Variants in SPAST observed in about 807,000 individuals in gnomAD.
The protein encoded by SPAST is spastin.
SPAST carries 30 observed loss-of-function variants against 76.6 expected under a neutral mutation model. That is an observed-to-expected ratio of 0.39 (90% CI 0.29 to 0.53). The LOEUF (loss-of-function observed/expected upper bound fraction) is 0.53. Ranked by LOEUF, SPAST falls within the 20% of genes least tolerant of loss-of-function variation. The probability of loss-of-function intolerance (pLI) is 0.68; values close to 1 mark genes in which losing one functional copy is unlikely to be tolerated. For synonymous variants in SPAST, 305 were observed against 281.0 expected (o/e 1.09, Z -0.86); for missense variants, 717 against 770.5 (o/e 0.93, Z 0.82).
At chr2:32,074,498 G>C (rs1018932392) in intron 1 of SPAST, among the ~76,000 whole-genome samples, 7 of 150,850 alleles carry the variant, frequency 4.6e-5, no homozygotes, top group Admixed American at 6.7e-5. Flanking sequence ...CTCTTTCTCA[G>C]CTTTTTTTTT....
intron 12 of SPAST, among the ~76,000 whole-genome samples, chr2:32,138,884 C>T (rs978926476): frequency 6.6e-6 from 1 of 152,150 alleles, no homozygotes; most frequent in Non-Finnish European, 1.5e-5. Flanking sequence ...ATATGGCTAG[C>T]CAGTAATCCC....
chr2:32,110,752 GTATAGTATA>G (rs1678547305), intron 4 of SPAST, among the ~76,000 whole-genome samples: 1 of 138,034 alleles, frequency 7.2e-6, no homozygotes, highest in Non-Finnish European at 1.5e-5. Context: ...AGTATATATA[GTATAGTATA>G]TATAGTATAC....
chr2:32,122,016 T>TA (rs1322279216), intron 7 of SPAST, among the ~76,000 whole-genome samples: 1 of 152,210 alleles, frequency 6.6e-6, no homozygotes, highest in Non-Finnish European at 1.5e-5. Flanking sequence ...GTTGTCCACT[T>TA]ATATTACGTG....
intron 7 of SPAST, among the ~76,000 whole-genome samples, chr2:32,123,612 A>G (rs1417251691): frequency 6.6e-6 from 1 of 152,186 alleles, no homozygotes. Context: ...AAACTACCCA[A>G]TTTCAAGACT....
intron 9 of SPAST, among the ~76,000 whole-genome samples, chr2:32,133,447 T>C (rs1679435372): frequency 6.6e-6 from 1 of 152,150 alleles, no homozygotes; most frequent in Non-Finnish European, 1.5e-5. Context: ...ACTACTAACA[T>C]CATAGACAAA....
chr2:32,105,401 C>A (rs915240974), intron 4 of SPAST, among the ~76,000 whole-genome samples: 9 of 152,150 alleles, frequency 5.9e-5, no homozygotes, highest in Non-Finnish European at 1.0e-4. Context: ...TTTCGAACAT[C>A]CTCCTTTAGC....
rs3215441 is a variant in SPAST at position 32,152,190 on chromosome 2, T to TA, written c.1729-2183dup. 2.2e-4 allele frequency among the ~76,000 whole-genome samples: 34 copies of TA among 152,318 alleles called. No homozygotes were observed. The East Asian group carries it at 6.0e-3, about 27-fold the overall frequency. ...TTTCCTGTTGTATACATTAGTCTCT[T>TA]ACGTTAAAATATCATATAAGTTTCA... On this transcript the variant is annotated intron_variant, in intron 16 of 16. Transcript: ENST00000315285.
chr2:32,127,145 G>T (rs1679222176), intron 8 of SPAST, 123 bp downstream of exon 8: 3 of 745,618 alleles, frequency 4.0e-6, no homozygotes, highest in Non-Finnish European at 7.1e-6. Context: ...GTACACTTTT[G>T]TTTTTTTTGT....
intron 15 of SPAST, among the ~76,000 whole-genome samples, chr2:32,145,680 A>G (rs1363898130): frequency 2.0e-5 from 3 of 152,144 alleles, no homozygotes; most frequent in African/African-American, 7.2e-5. Context: ...TTGCAGCAAA[A>G]TATTTATTGC....
rs1402023338 is a variant in SPAST at position 32,114,764 on chromosome 2, G to T, written c.809G>T (p.Ser270Ile). 1.2e-6 allele frequency: 2 copies of T among 1,614,122 alleles called. No individual in the cohort carries two copies. Among genetic ancestry groups the T allele is most frequent in the South Asian group, 1.1e-5 (1 of 91,082 alleles). ...LSGHHRAPSY[S>I]GLSMVSGVKQ... Reference sequence around the variant, plus strand: ...GGCCACCATAGAGCACCTAGTTACAGTGGTTTATCCATGGTTTCTGGAGTG... The same window carrying T: ...GGCCACCATAGAGCACCTAGTTACATTGGTTTATCCATGGTTTCTGGAGTG... The change falls in exon 5 of 17, where the codon AGT becomes ATT. Residue 270 changes from serine (S) to isoleucine (I), a missense_variant. By Grantham distance (142) the Ser-to-Ile change is moderately radical (BLOSUM62 -2). This residue lies in a region of SPAST where 543 missense variants were observed against 445.2 expected (regional missense o/e 1.22). Transcript: ENST00000315285.
intron 1 of SPAST, among the ~76,000 whole-genome samples, chr2:32,074,965 G>A (rs1023270233): frequency 6.6e-6 from 1 of 151,978 alleles, no homozygotes. Context: ...CACATAATAG[G>A]TACTCAGTAA....
At position 32,106,685 on chromosome 2, in the gene SPAST, A is replaced by T. The variant is rs977620766; in HGVS notation, c.682+7794A>T. On this transcript the variant is annotated intron_variant, in intron 4 of 16. Transcript: ENST00000315285. ...CTATAGACAGAAGAAACAGTTGGTCATCAACTCTTTCCCTTGTGGCTTCAC... is the reference window on the plus strand; with the variant it reads ...CTATAGACAGAAGAAACAGTTGGTCTTCAACTCTTTCCCTTGTGGCTTCAC... Among the ~76,000 whole-genome samples the T allele has an allele frequency of 1.1e-4, 16 of 152,330 alleles. No individual in the cohort carries two copies. In the East Asian group the frequency reaches 3.1e-3, roughly 29 times the overall value.
At chr2:32,075,896 CTTTTTTT>C (rs1209272322) in intron 1 of SPAST, among the ~76,000 whole-genome samples, 2 of 81,764 alleles carry the variant, frequency 2.4e-5, no homozygotes, top group African/African-American at 5.1e-5. Flanking sequence ...TCAAAATGCT[CTTTTTTT>C]TTTTTTTTTT....
At chr2:32,112,831 T>A (rs1003104467) in intron 4 of SPAST, among the ~76,000 whole-genome samples, 2 of 150,182 alleles carry the variant, frequency 1.3e-5, no homozygotes, top group African/African-American at 4.9e-5. Context: ...AAATTGAGGC[T>A]TTTGTCTTTT....
intron 4 of SPAST, among the ~76,000 whole-genome samples, chr2:32,108,538 T>G (rs560097232): frequency 3.3e-5 from 5 of 152,078 alleles, no homozygotes; most frequent in African/African-American, 1.2e-4. Flanking sequence ...TTTTTTGAGA[T>G]AGGGTCTGAC....
At chr2:32,144,356 T>C (rs1679817215) in intron 14 of SPAST, among the ~76,000 whole-genome samples, 1 of 152,228 alleles carries the variant, frequency 6.6e-6, no homozygotes, top group Non-Finnish European at 1.5e-5. Flanking sequence ...AGTTTGTAGA[T>C]GTTACCTTTC....
chr2:32,089,488 A>T (rs1488559684), intron 2 of SPAST, 34 bp from the exon 3 acceptor site: 1 of 1,147,378 alleles, frequency 8.7e-7, no homozygotes, highest in Non-Finnish European at 1.3e-6. Flanking sequence ...TTAGTTGGGA[A>T]ATGTAGATAT....
In SPAST at chr2:32,111,213, TATATA is replaced by T. The variant is rs1190569758; in HGVS notation, c.683-3424_683-3420del. Among the ~76,000 whole-genome samples, 44 of 116,152 alleles carry T rather than the reference TATATA, an allele frequency of 3.8e-4. 2 individuals are homozygous for T. Among genetic ancestry groups the T allele is most frequent in the South Asian group, 6.1e-4 (2 of 3,262 alleles). 76.2% of individuals were successfully genotyped at this position (116,152 alleles called of 152,430 possible). On this transcript the variant is annotated intron_variant, in intron 4 of 16. Coordinates refer to ENST00000315285, the MANE Select transcript of SPAST (RefSeq NM_014946.4). ...TGTATAGAGTATATATACAGTATACTATATAGTGTGTATAGCGTATATATACAGTA... is the reference window on the plus strand; with the variant it reads ...TGTATAGAGTATATATACAGTATACTGTGTGTATAGCGTATATATACAGTA...
intron 14 of SPAST, among the ~76,000 whole-genome samples, chr2:32,144,550 C>G (rs1290134584): frequency 6.6e-6 from 1 of 152,140 alleles, no homozygotes; most frequent in Non-Finnish European, 1.5e-5. Flanking sequence ...CTAGTTTTTA[C>G]TCTTATTATA....
Sources: gnomAD v4.1 joint callset for allele counts (sites outside exome capture counted in the v4.1 genomes callset) on GRCh38, gnomAD v4.1.1 for gene constraint, gnomAD v4.1.1 regional missense constraint, MANE v1.5 for transcripts, NCBI Gene and HGNC (gene_info 2026-07-23, HGNC 2026-07-21) for gene names.